KAZN: variants seen among roughly 807,000 people sequenced by gnomAD.
KAZN encodes the protein kazrin, periplakin interacting protein.
In KAZN, 40 loss-of-function variants were observed where a neutral mutation model predicts 87.4. That is an observed-to-expected ratio of 0.46 (90% CI 0.36 to 0.60). The LOEUF (loss-of-function observed/expected upper bound fraction) is 0.60. KAZN is among the 20% of genes least tolerant of loss of function. The pLI, the probability that KAZN is intolerant of heterozygous loss-of-function variation, is 0.00. For missense variants in KAZN, 898 were observed against 1,073.9 expected (o/e 0.84, Z 2.29); for synonymous variants, 466 against 458.3 (o/e 1.02, Z -0.22).
At chr1:14,937,659 G>C (rs6689753) in intron 1 of KAZN, among the ~76,000 whole-genome samples, 1 of 152,196 alleles carries the variant, frequency 6.6e-6, no homozygotes, top group African/African-American at 2.4e-5. Context: ...TTGCTGTCAC[G>C]TCCCCTTCGC....
chr1:14,233,198 C>T (rs1215098291), intron 2 of KAZN, among the ~76,000 whole-genome samples: 1 of 152,118 alleles, frequency 6.6e-6, no homozygotes, highest in East Asian at 1.9e-4. Flanking sequence ...GTGGCACGAT[C>T]ACACCTCACT....
At chr1:14,782,554 CA>C (rs71572122) in intron 1 of KAZN, among the ~76,000 whole-genome samples, 13,950 of 66,438 alleles carry the variant, frequency 0.21, 325 homozygotes, top group Admixed American at 0.24. Context: ...CCTCAAAGAG[CA>C]AAAAAAAAAA....
chr1:14,482,469 A>G (rs2148394038), intron 2 of KAZN, among the ~76,000 whole-genome samples: 1 of 152,322 alleles, frequency 6.6e-6, no homozygotes, highest in Admixed American at 6.5e-5. Context: ...ATCTCTGACC[A>G]GTTACTTACC....
At chr1:13,981,680 G>A (rs1278508365) in intron 1 of KAZN, among the ~76,000 whole-genome samples, 1 of 152,176 alleles carries the variant, frequency 6.6e-6, no homozygotes, top group African/African-American at 2.4e-5. Flanking sequence ...AAAGCAAGAG[G>A]TCTTGTTTAT....
At chr1:14,230,032 A>G (rs897799136) in intron 2 of KAZN, among the ~76,000 whole-genome samples, 1 of 152,250 alleles carries the variant, frequency 6.6e-6, no homozygotes, top group African/African-American at 2.4e-5. Flanking sequence ...GTGCTGTCCC[A>G]TATAGCAGCC....
intron 2 of KAZN, among the ~76,000 whole-genome samples, chr1:15,025,436 G>A (rs1671069849): frequency 1.3e-5 from 2 of 152,186 alleles, no homozygotes; most frequent in South Asian, 4.1e-4. Context: ...TCTCAAACAT[G>A]CCAGCCCTGA....
intron 12 of KAZN, 142 bp from the exon 13 acceptor site, chr1:15,103,881 G>A: frequency 1.2e-6 from 1 of 805,290 alleles, no homozygotes; most frequent in South Asian, 1.9e-5. Flanking sequence ...TTGGGGAGGG[G>A]TTCCTCTTCA....
At chr1:14,216,976 C>T (rs146523558) in intron 2 of KAZN, among the ~76,000 whole-genome samples, 21 of 152,224 alleles carry the variant, frequency 1.4e-4, no homozygotes, top group African/African-American at 4.8e-4. Flanking sequence ...ACAGTTGCTA[C>T]GGTTTGAGTA....
chr1:13,943,978 A>G (rs988265211), intron 1 of KAZN, among the ~76,000 whole-genome samples: 3 of 151,478 alleles, frequency 2.0e-5, no homozygotes, highest in South Asian at 2.1e-4. Flanking sequence ...GGCACTTACT[A>G]AAAAAGGTAA....
chr1:14,600,547 G>A (rs1456282783), intron 1 of KAZN, among the ~76,000 whole-genome samples: 1 of 151,848 alleles, frequency 6.6e-6, no homozygotes, highest in African/African-American at 2.4e-5. Flanking sequence ...AAGTAGCCAT[G>A]ACGTAATGGT....
chr1:14,574,650 A>C (rs1366045088), intron 2 of KAZN, among the ~76,000 whole-genome samples: 1 of 152,198 alleles, frequency 6.6e-6, no homozygotes, highest in Non-Finnish European at 1.5e-5. Context: ...AGTCTCGGGT[A>C]TGTCTTTATC....
intron 1 of KAZN, among the ~76,000 whole-genome samples, chr1:14,076,096 A>G (rs1247279750): frequency 2.6e-5 from 4 of 152,122 alleles, no homozygotes; most frequent in African/African-American, 7.2e-5. Flanking sequence ...CCTGGCTAAC[A>G]TGGTGAAACC....
chr1:14,589,944 T>C (rs965648410), intron 2 of KAZN, among the ~76,000 whole-genome samples: 6 of 152,068 alleles, frequency 3.9e-5, no homozygotes, highest in Non-Finnish European at 5.9e-5. Context: ...TGAGTAGAAA[T>C]GAGTGGAAAA....
chr1:14,196,300 A>G (rs1646524601), intron 2 of KAZN, among the ~76,000 whole-genome samples: 1 of 152,242 alleles, frequency 6.6e-6, no homozygotes, highest in Non-Finnish European at 1.5e-5. Context: ...AAGGAATGAT[A>G]TAATTGGATT....
At chr1:14,242,955 T>C (rs1649113072) in intron 2 of KAZN, among the ~76,000 whole-genome samples, 1 of 152,264 alleles carries the variant, frequency 6.6e-6, no homozygotes, top group Non-Finnish European at 1.5e-5. Context: ...GATACGTTTG[T>C]ATGCATCAGT....
At chr1:14,977,580 A>G (rs1375133101) in intron 2 of KAZN, among the ~76,000 whole-genome samples, 1 of 152,232 alleles carries the variant, frequency 6.6e-6, no homozygotes, top group African/African-American at 2.4e-5. Context: ...TGGAGAATTC[A>G]TGTGCCTGCC....
At chr1:14,810,249 C>G (rs1646365546) in intron 1 of KAZN, among the ~76,000 whole-genome samples, 1 of 152,116 alleles carries the variant, frequency 6.6e-6, no homozygotes, top group African/African-American at 2.4e-5. Context: ...TCCCTGAACA[C>G]CTTTCCTAAG....
chr1:14,654,771 G>A (rs1283607688), intron 1 of KAZN, among the ~76,000 whole-genome samples: 1 of 152,192 alleles, frequency 6.6e-6, no homozygotes, highest in Non-Finnish European at 1.5e-5. Flanking sequence ...CATGCTGGCA[G>A]CTTCTCACAC....
At chr1:15,076,465 CCT>C (rs1429792156) in intron 8 of KAZN, among the ~76,000 whole-genome samples, 1 of 152,160 alleles carries the variant, frequency 6.6e-6, no homozygotes, top group Non-Finnish European at 1.5e-5. Context: ...TCAGTTTCCC[CCT>C]CTTTGAAATG....
Sources: allele counts gnomAD v4.1 joint callset (sites outside exome capture counted in the v4.1 genomes callset), GRCh38; gene constraint gnomAD v4.1.1; transcripts MANE v1.5; gene names NCBI Gene and HGNC (gene_info 2026-07-23, HGNC 2026-07-21).